The following KCND2 variants were observed in gnomAD, a reference collection of about 807,000 sequenced individuals.
KCND2 encodes the protein potassium voltage-gated channel subfamily D member 2, also known as A-type voltage-gated potassium channel KCND2.
A neutral mutation model predicts 54.4 loss-of-function variants in KCND2; 16 were observed. The ratio of observed to expected loss-of-function variants is 0.29; its 90% CI spans 0.20 to 0.45. The LOEUF is 0.45. KCND2 is among the 20% of genes least tolerant of loss of function. The probability of loss-of-function intolerance (pLI) is 1.00; values close to 1 mark genes in which losing one functional copy is unlikely to be tolerated. For synonymous variants in KCND2, 317 were observed against 310.7 expected, an observed-to-expected ratio of 1.02 and a Z score of -0.21; for missense variants, 486 against 824.2, an observed-to-expected ratio of 0.59 and a Z score of 5.02.
At chr7:120,360,453 A>G (rs989765610) in intron 1 of KCND2, among the ~76,000 whole-genome samples, 1 of 152,040 alleles carries the variant, frequency 6.6e-6, no homozygotes, top group Non-Finnish European at 1.5e-5. Flanking sequence ...TTTTGCCTCA[A>G]TGTTTGATCT....
intron 1 of KCND2, among the ~76,000 whole-genome samples, chr7:120,398,928 A>G (rs1801200202): frequency 6.6e-6 from 1 of 151,982 alleles, no homozygotes; most frequent in Non-Finnish European, 1.5e-5. Flanking sequence ...AATGAAGAGA[A>G]GCTGATAAAC....
chr7:120,726,596 A>T (rs1792736283), intron 1 of KCND2, among the ~76,000 whole-genome samples: 1 of 152,236 alleles, frequency 6.6e-6, no homozygotes, highest in African/African-American at 2.4e-5. Context: ...ATAGACGTAC[A>T]CACATAATCA....
chr7:120,552,317 T>C (rs1416780159), intron 1 of KCND2, among the ~76,000 whole-genome samples: 1 of 152,206 alleles, frequency 6.6e-6, no homozygotes, highest in Non-Finnish European at 1.5e-5. Flanking sequence ...TCACACATTT[T>C]ACAAATTAAT....
In KCND2 at chr7:120,627,813, AATAC is replaced by A. The variant is rs1793181533; in HGVS notation, c.1116-105086_1116-105083del. On this transcript the variant is annotated intron_variant, in intron 1 of 5. Coordinates refer to ENST00000331113, the MANE Select transcript of KCND2 (RefSeq NM_012281.3). The stretch of plus-strand genomic sequence containing the variant: ...ATTATGTAATTTTAGGTGAATTTAT[AATAC>A]ATAGAACACATATATGGATTATATA... Among the ~76,000 whole-genome samples the A allele has an allele frequency of 2.0e-5, 3 of 151,896 alleles. No individual in the cohort carries two copies. The South Asian group carries it at 6.2e-4, about 32-fold the overall frequency.
chr7:120,538,931 G>A (rs1180230192), intron 1 of KCND2, among the ~76,000 whole-genome samples: 3 of 152,098 alleles, frequency 2.0e-5, no homozygotes, highest in Non-Finnish European at 4.4e-5. Context: ...GTGTTTTATA[G>A]TAAAGGAAAC....
At chr7:120,330,139 T>C (rs1800041910) in intron 1 of KCND2, among the ~76,000 whole-genome samples, 1 of 152,176 alleles carries the variant, frequency 6.6e-6, no homozygotes, top group Non-Finnish European at 1.5e-5. Context: ...TCACTAGATA[T>C]GTGAACCTTA....
intron 1 of KCND2, among the ~76,000 whole-genome samples, chr7:120,649,850 G>T (rs563820187): frequency 1.8e-3 from 272 of 152,248 alleles, no homozygotes; most frequent in Non-Finnish European, 2.9e-3. Flanking sequence ...GTCTGTAAAG[G>T]ATTTTATTTC....
At chr7:120,591,242 TG>T (rs1260204203) in intron 1 of KCND2, among the ~76,000 whole-genome samples, 1 of 152,226 alleles carries the variant, frequency 6.6e-6, no homozygotes, top group Non-Finnish European at 1.5e-5. Flanking sequence ...ATTGGGGATT[TG>T]GGGTTTAAAT....
At chr7:120,696,690 T>G (rs1792336870) in intron 1 of KCND2, among the ~76,000 whole-genome samples, 1 of 152,212 alleles carries the variant, frequency 6.6e-6, no homozygotes, top group African/African-American at 2.4e-5. Flanking sequence ...GTTCTTGTTA[T>G]GAAAGTGAGT....
At chr7:120,515,945 A>T (rs1803190524) in intron 1 of KCND2, among the ~76,000 whole-genome samples, 1 of 152,040 alleles carries the variant, frequency 6.6e-6, no homozygotes, top group Admixed American at 6.6e-5. Context: ...GGTAGATTTG[A>T]CCCATGAGAG....
chr7:120,548,533 G>A (rs535288618), intron 1 of KCND2, among the ~76,000 whole-genome samples: 1 of 152,072 alleles, frequency 6.6e-6, no homozygotes, highest in Admixed American at 6.5e-5. Context: ...ATCCCCAAAG[G>A]GATTGATTTC....
At chr7:120,283,320 A>G (rs890362803) in intron 1 of KCND2, among the ~76,000 whole-genome samples, 2 of 152,308 alleles carry the variant, frequency 1.3e-5, no homozygotes, top group Non-Finnish European at 2.9e-5. Flanking sequence ...GATTTCATTT[A>G]AGATGAAAGG....
chr7:120,385,367 A>G (rs574465430), intron 1 of KCND2, among the ~76,000 whole-genome samples: 1 of 152,166 alleles, frequency 6.6e-6, no homozygotes, highest in South Asian at 2.1e-4. Flanking sequence ...TAAATTCCTT[A>G]TATGTCTCTG....
intron 1 of KCND2, among the ~76,000 whole-genome samples, chr7:120,562,759 T>C (rs903294087): frequency 6.6e-6 from 1 of 152,082 alleles, no homozygotes; most frequent in African/African-American, 2.4e-5. Context: ...AAAATAAAAC[T>C]CAGATATATT....
chr7:120,528,822 A>G (rs986141755), intron 1 of KCND2, among the ~76,000 whole-genome samples: 9 of 152,132 alleles, frequency 5.9e-5, no homozygotes, highest in African/African-American at 9.7e-5. Flanking sequence ...TCTTAACTTC[A>G]ATGTGCTGAC....
intron 1 of KCND2, among the ~76,000 whole-genome samples, chr7:120,488,254 A>G (rs1393856663): frequency 1.3e-5 from 2 of 152,206 alleles, no homozygotes; most frequent in Non-Finnish European, 2.9e-5. Context: ...TAAAAAGGCC[A>G]AGAAAACAGT....
chr7:120,460,024 A>G (rs2116236601), intron 1 of KCND2, among the ~76,000 whole-genome samples: 1 of 152,276 alleles, frequency 6.6e-6, no homozygotes, highest in Admixed American at 6.5e-5. Context: ...CTCATCTTCA[A>G]ATTTAATGTA....
At chr7:120,327,930 G>C (rs1054804126) in intron 1 of KCND2, among the ~76,000 whole-genome samples, 2 of 152,072 alleles carry the variant, frequency 1.3e-5, no homozygotes, top group Admixed American at 6.6e-5. Context: ...AGTTGAGTTT[G>C]AGAACATGCC....
chr7:120,348,481 G>A (rs1800356743), intron 1 of KCND2, among the ~76,000 whole-genome samples: 1 of 152,142 alleles, frequency 6.6e-6, no homozygotes, highest in Non-Finnish European at 1.5e-5. Context: ...TGACAAAGAT[G>A]CTATATATCT....
Sources: gnomAD v4.1 joint callset for allele counts (sites outside exome capture counted in the v4.1 genomes callset) on GRCh38, gnomAD v4.1.1 for gene constraint, MANE v1.5 for transcripts, NCBI Gene and HGNC (gene_info 2026-07-23, HGNC 2026-07-21) for gene names.